CA10: variants seen among roughly 807,000 people sequenced by gnomAD.
CA10 encodes the protein carbonic anhydrase-related protein 10.
In CA10, 14 loss-of-function variants were observed where a neutral mutation model predicts 44.2. That is an observed-to-expected ratio of 0.32 (90% CI 0.21 to 0.50). The LOEUF (loss-of-function observed/expected upper bound fraction) is 0.50. Ranked by LOEUF, CA10 falls within the 20% of genes least tolerant of loss-of-function variation. The pLI is 0.99. For synonymous variants in CA10, 159 were observed against 141.6 expected, an observed-to-expected ratio of 1.12 and a Z score of -0.87; for missense variants, 350 against 409.7, an observed-to-expected ratio of 0.85 and a Z score of 1.26.
chr17:52,092,139 C>T (rs9900845), intron 1 of CA10, among the ~76,000 whole-genome samples: 55,751 of 151,950 alleles, frequency 0.37, 11,286 homozygotes, highest in East Asian at 0.68. Flanking sequence ...TCTCCCTCTT[C>T]GTGTGCATTT....
At chr17:51,847,519 C>T (rs936757162) in intron 3 of CA10, among the ~76,000 whole-genome samples, 3 of 152,162 alleles carry the variant, frequency 2.0e-5, no homozygotes, top group South Asian at 2.1e-4. Flanking sequence ...GATAATAACG[C>T]ATATCATCTA....
At chr17:52,135,386 A>T (rs1989333993) in intron 1 of CA10, among the ~76,000 whole-genome samples, 1 of 151,962 alleles carries the variant, frequency 6.6e-6, no homozygotes, top group Non-Finnish European at 1.5e-5. Context: ...CCTCTGCTTC[A>T]CCTTTTGACA....
At chr17:51,772,741 T>C (rs1230807703) in intron 3 of CA10, among the ~76,000 whole-genome samples, 1 of 152,058 alleles carries the variant, frequency 6.6e-6, no homozygotes, top group African/African-American at 2.4e-5. Flanking sequence ...GTGAGATACA[T>C]GGTATTAGCC....
intron 1 of CA10, among the ~76,000 whole-genome samples, chr17:52,134,405 T>A (rs1022175623): frequency 6.6e-6 from 1 of 152,190 alleles, no homozygotes; most frequent in Admixed American, 6.5e-5. Context: ...GCCTAGCTCA[T>A]CCACCCACAA....
chr17:52,091,941 C>G (rs1378525249), intron 1 of CA10, among the ~76,000 whole-genome samples: 1 of 152,194 alleles, frequency 6.6e-6, no homozygotes, highest in African/African-American at 2.4e-5. Flanking sequence ...TAAATGTTAC[C>G]TTTGAAAAGT....
intron 2 of CA10, among the ~76,000 whole-genome samples, chr17:51,983,445 C>T (rs776266083): frequency 9.9e-5 from 15 of 151,806 alleles, no homozygotes; most frequent in Non-Finnish European, 2.1e-4. Flanking sequence ...AATAAATTAT[C>T]TGTACCTAGA....
intron 3 of CA10, among the ~76,000 whole-genome samples, chr17:51,906,698 T>C (rs2143941951): frequency 6.6e-6 from 1 of 152,240 alleles, no homozygotes; most frequent in South Asian, 2.1e-4. Context: ...TCAAACTCAG[T>C]AACTCCAGAT....
At chr17:51,892,718 T>C (rs906381811) in intron 3 of CA10, among the ~76,000 whole-genome samples, 6 of 152,194 alleles carry the variant, frequency 3.9e-5, no homozygotes, top group Admixed American at 2.0e-4. Flanking sequence ...GGATCAGCTA[T>C]AGTCTCAATG....
Position 51,936,665 on chromosome 17 carries a change from C to T in CA10, c.137-5533G>A, listed in dbSNP as rs1157986596. Among the ~76,000 whole-genome samples the T allele has an allele frequency of 2.0e-5, 3 of 152,232 alleles. No individual in the cohort carries two copies. In the East Asian group the frequency reaches 5.8e-4, roughly 29 times the overall value. ...AGATGGCTCAGTGCTCTGCAGGCCA[C>T]ACTAAGGAGTTTGCATTTTACTCCA... On this transcript the variant is annotated intron_variant, in intron 2 of 8. Transcript: ENST00000451037.
chr17:52,092,984 T>A (rs1259042978), intron 1 of CA10, among the ~76,000 whole-genome samples: 1 of 152,140 alleles, frequency 6.6e-6, no homozygotes, highest in Non-Finnish European at 1.5e-5. Flanking sequence ...GTATAGTAGG[T>A]CCTTCAATAA....
At chr17:52,138,202 C>T (rs1333760874) in intron 1 of CA10, among the ~76,000 whole-genome samples, 1 of 152,148 alleles carries the variant, frequency 6.6e-6, no homozygotes, top group East Asian at 1.9e-4. Context: ...CTTCAAAGCA[C>T]ATCAATCCAA....
chr17:51,947,722 C>T (rs1453895121), intron 2 of CA10, among the ~76,000 whole-genome samples: 1 of 152,024 alleles, frequency 6.6e-6, no homozygotes, highest in African/African-American at 2.4e-5. Flanking sequence ...TGTGCAGGGG[C>T]CATGGTGCAC....
intron 4 of CA10, among the ~76,000 whole-genome samples, chr17:51,740,874 T>TAG (rs1352646834): frequency 2.0e-5 from 3 of 152,202 alleles, no homozygotes; most frequent in Admixed American, 2.0e-4. Flanking sequence ...TTTAAACTTG[T>TAG]AGCTCACTCC....
chr17:51,800,567 C>T (rs745357187), intron 3 of CA10, among the ~76,000 whole-genome samples: 7 of 152,158 alleles, frequency 4.6e-5, no homozygotes, highest in Non-Finnish European at 8.8e-5. Context: ...CAGTACCTTA[C>T]AACCTTGGCT....
At chr17:51,978,502 A>G (rs1375182258) in intron 2 of CA10, among the ~76,000 whole-genome samples, 1 of 151,972 alleles carries the variant, frequency 6.6e-6, no homozygotes, top group African/African-American at 2.4e-5. Flanking sequence ...ATATTCATAT[A>G]GGAAAAAATA....
rs1422934951 is a variant in CA10 at position 51,748,923 on chromosome 17, C to T, written c.280-1105G>A. ...ACTGTGGCAGAGACCATAATGCTCA[C>T]CAAATATTCCAGTGACTCATTTTGT... On this transcript the variant is annotated intron_variant, in intron 3 of 8. Transcript: ENST00000451037. 2.6e-5 allele frequency among the ~76,000 whole-genome samples: 4 copies of T among 152,196 alleles called. No homozygotes were observed. In the East Asian group the frequency reaches 7.7e-4, roughly 29 times the overall value.
intron 2 of CA10, among the ~76,000 whole-genome samples, chr17:51,931,807 C>T (rs1405071176): frequency 6.6e-6 from 1 of 152,152 alleles, no homozygotes; most frequent in Non-Finnish European, 1.5e-5. Context: ...ACCGTCCACT[C>T]ATTTTCAGTG....
chr17:52,093,704 C>G (rs748851990), intron 1 of CA10, among the ~76,000 whole-genome samples: 5 of 151,986 alleles, frequency 3.3e-5, no homozygotes, highest in African/African-American at 4.8e-5. Flanking sequence ...ATTTTGAATG[C>G]AAGAGACCAG....
chr17:51,949,322 A>C (rs1983398223), intron 2 of CA10, among the ~76,000 whole-genome samples: 1 of 152,208 alleles, frequency 6.6e-6, no homozygotes, highest in African/African-American at 2.4e-5. Flanking sequence ...ACCAACTCAC[A>C]GAAAAGTCTA....
Sources: gnomAD v4.1 joint callset for allele counts (sites outside exome capture counted in the v4.1 genomes callset) on GRCh38, gnomAD v4.1.1 for gene constraint, MANE v1.5 for transcripts, NCBI Gene and HGNC (gene_info 2026-07-23, HGNC 2026-07-21) for gene names.